PCNX1: variants seen among roughly 807,000 people sequenced by gnomAD.
PCNX1 encodes pecanex 1, also known as pecanex-like protein 1.
PCNX1 carries 78 observed loss-of-function variants against 242.2 expected under a neutral mutation model. The ratio of observed to expected loss-of-function variants is 0.32; its 90% confidence interval spans 0.27 to 0.39. The LOEUF is 0.39. Among genes scored for constraint, PCNX1 ranks in the 10% least tolerant of loss-of-function variants. The probability of loss-of-function intolerance (pLI) is 1.00; values close to 1 mark genes in which losing one functional copy is unlikely to be tolerated. For synonymous variants in PCNX1, 1,024 were observed against 1,032.9 expected, an observed-to-expected ratio of 0.99 and a Z score of 0.17; for missense variants, 2,581 against 2,856.5, an observed-to-expected ratio of 0.90 and a Z score of 2.20.
At chr14:71,066,544 T>A (rs1401496059) in intron 26 of PCNX1, among the ~76,000 whole-genome samples, 1 of 152,244 alleles carries the variant, frequency 6.6e-6, no homozygotes, top group Non-Finnish European at 1.5e-5. Context: ...TACAATCATG[T>A]CATCTGCAAA....
intron 30 of PCNX1, among the ~76,000 whole-genome samples, chr14:71,098,900 C>T (rs1360316285): frequency 1.3e-5 from 2 of 152,072 alleles, no homozygotes; most frequent in African/African-American, 4.8e-5. Context: ...GGGATGCTTC[C>T]AGCTTTTCCC....
intron 6 of PCNX1, among the ~76,000 whole-genome samples, chr14:70,983,139 G>A (rs144117528): frequency 6.6e-6 from 1 of 152,122 alleles, no homozygotes; most frequent in Non-Finnish European, 1.5e-5. Context: ...ATGCAAAATT[G>A]TATCTAACGG....
intron 6 of PCNX1, among the ~76,000 whole-genome samples, chr14:70,980,525 G>A (rs1013216193): frequency 1.3e-5 from 2 of 151,900 alleles, no homozygotes; most frequent in African/African-American, 4.8e-5. Context: ...AGCTTCATTG[G>A]GTTTAGAATA....
intron 16 of PCNX1, among the ~76,000 whole-genome samples, chr14:71,030,342 T>G (rs1460470864): frequency 3.3e-5 from 5 of 151,432 alleles, no homozygotes; most frequent in Non-Finnish European, 7.4e-5. Flanking sequence ...CCTTTCTTTC[T>G]TTTTTTTTAG....
At chr14:70,971,708 G>A (rs1309714653) in intron 5 of PCNX1, among the ~76,000 whole-genome samples, 1 of 152,196 alleles carries the variant, frequency 6.6e-6, no homozygotes, top group Admixed American at 6.5e-5. Context: ...GAGTAGTTGA[G>A]GGCGGGCTTC....
chr14:70,921,355 T>G (rs2056366772), intron 1 of PCNX1, among the ~76,000 whole-genome samples: 1 of 152,100 alleles, frequency 6.6e-6, no homozygotes, highest in African/African-American at 2.4e-5. Flanking sequence ...AATCCTCAAT[T>G]TCATATGTAT....
chr14:70,995,803 C>T lies in PCNX1; in HGVS notation c.2507C>T (p.Pro836Leu), dbSNP rs771515714. 1.2e-6 allele frequency: 2 copies of T among 1,614,106 alleles called. No homozygotes were observed. The highest frequency in any genetic ancestry group is 2.2e-5 in the South Asian group (2 of 91,080). ...TAQVKVQSRP[P>L]SQAAVLSASA... Reference sequence around the variant, plus strand: ...CAGGTCAAAGTCCAGTCCCGCCCCCCTTCCCAGGCTGCAGTGCTCAGTGCT... The same window carrying T: ...CAGGTCAAAGTCCAGTCCCGCCCCCTTTCCCAGGCTGCAGTGCTCAGTGCT... Residue 836 changes from proline to leucine, a missense_variant, in exon 8 of 36, where the codon CCT (proline) becomes CTT (leucine). Coordinates refer to ENST00000304743, the MANE Select transcript of PCNX1 (RefSeq NM_014982.3).
intron 1 of PCNX1, among the ~76,000 whole-genome samples, chr14:70,932,582 T>C (rs1287545392): frequency 1.3e-5 from 2 of 151,660 alleles, no homozygotes; most frequent in Non-Finnish European, 2.9e-5. Flanking sequence ...AGTTTTTATT[T>C]TTATTTATCT....
intron 7 of PCNX1, among the ~76,000 whole-genome samples, chr14:70,993,514 T>G (rs2059234240): frequency 6.6e-6 from 1 of 152,202 alleles, no homozygotes; most frequent in Non-Finnish European, 1.5e-5. Flanking sequence ...TAATTTTATT[T>G]ATTTATTTTT....
At chr14:70,960,894 A>G (rs2058186214) in intron 2 of PCNX1, among the ~76,000 whole-genome samples, 1 of 151,994 alleles carries the variant, frequency 6.6e-6, no homozygotes, top group Admixed American at 6.6e-5. Flanking sequence ...GAGCCAAATC[A>G]TGAATGAACT....
intron 11 of PCNX1, among the ~76,000 whole-genome samples, chr14:71,013,486 TG>T (rs2059877559): frequency 6.6e-6 from 1 of 152,024 alleles, no homozygotes; most frequent in Non-Finnish European, 1.5e-5. Flanking sequence ...ATATGAGTTT[TG>T]ATGATCTTTA....
intron 5 of PCNX1, among the ~76,000 whole-genome samples, chr14:70,972,315 C>G (rs566291534): frequency 2.8e-4 from 42 of 151,872 alleles, no homozygotes; most frequent in African/African-American, 9.9e-4. Context: ...TGCTGTTAGA[C>G]CTGTAAGCAG....
intron 2 of PCNX1, among the ~76,000 whole-genome samples, chr14:70,957,248 C>A (rs139158793): frequency 2.0e-5 from 3 of 152,080 alleles, no homozygotes; most frequent in African/African-American, 7.2e-5. Context: ...CTTGGCCTCC[C>A]GCGTGCTAGG....
At chr14:71,081,287 A>AT (rs1201954458) in intron 28 of PCNX1, among the ~76,000 whole-genome samples, 5 of 151,516 alleles carry the variant, frequency 3.3e-5, no homozygotes, top group African/African-American at 1.2e-4. Context: ...CTTATTGAGG[A>AT]TTTTCTCATT....
intron 20 of PCNX1, among the ~76,000 whole-genome samples, chr14:71,046,294 C>T (rs947784670): frequency 1.3e-5 from 2 of 152,014 alleles, no homozygotes; most frequent in African/African-American, 4.8e-5. Context: ...TAAAGACCAA[C>T]ACTTTTCATT....
At chr14:71,086,863 C>G (rs2141620941) in intron 28 of PCNX1, among the ~76,000 whole-genome samples, 1 of 152,248 alleles carries the variant, frequency 6.6e-6, no homozygotes, top group South Asian at 2.1e-4. Context: ...TGTTTCCTGT[C>G]TCTCAGGGAC....
At chr14:71,059,268 T>C (rs1427725849) in intron 26 of PCNX1, among the ~76,000 whole-genome samples, 1 of 152,216 alleles carries the variant, frequency 6.6e-6, no homozygotes, top group Non-Finnish European at 1.5e-5. Context: ...TTTTGCTATC[T>C]AAATGCTAAT....
Position 71,111,957 on chromosome 14 carries a change from T to C in PCNX1, c.*2022T>C, listed in dbSNP as rs747656746. 2.0e-5 allele frequency: 3 copies of C among 152,580 alleles called. No individual in the cohort carries two copies. Among genetic ancestry groups the C allele is most frequent in the Non-Finnish European group, 4.4e-5 (3 of 67,968 alleles). 9.5% of individuals were successfully genotyped at this position (152,580 alleles called of 1,614,324 possible). ...AGATCTACAGTATGCCATTAAAGTT[T>C]AGTGTTGTTTTTGGTTTTGGAGGGT... On this transcript the variant is annotated 3_prime_UTR_variant, in exon 36 of 36. Transcript: ENST00000304743.
intron 1 of PCNX1, among the ~76,000 whole-genome samples, chr14:70,943,118 A>G (rs4488390): frequency 0.091 from 13,782 of 152,226 alleles, 743 homozygotes; most frequent in Admixed American, 0.17. Context: ...AGTCTCGGGT[A>G]TTTCTTCATA....
Sources: allele counts gnomAD v4.1 joint callset (sites outside exome capture counted in the v4.1 genomes callset), GRCh38; gene constraint gnomAD v4.1.1; transcripts MANE v1.5; gene names NCBI Gene and HGNC (gene_info 2026-07-23, HGNC 2026-07-21).